Variants in AGMAT observed in about 807,000 individuals in gnomAD.
AGMAT encodes the protein agmatinase (putative), also known as guanidino acid hydrolase, mitochondrial.
A neutral mutation model predicts 29.3 loss-of-function variants in AGMAT; 37 were observed. The ratio of observed to expected loss-of-function variants is 1.26; its 90% confidence interval spans 0.97 to 1.66. The LOEUF is 1.66. AGMAT is among the 40% of genes most tolerant of loss of function. The pLI is 0.00. For missense variants in AGMAT, 498 were observed against 497.8 expected (o/e 1.00, Z 0.00); for synonymous variants, 199 against 200.8 (o/e 0.99, Z 0.08).
chr1:15,585,033 C>G lies in AGMAT; in HGVS notation c.-66G>C, dbSNP rs778416888. On this transcript the variant is annotated 5_prime_UTR_variant, in exon 1 of 7. Coordinates refer to ENST00000375826, the MANE Select transcript of AGMAT (RefSeq NM_024758.5). ...GAGGCCGCCGCGATCTGGCTGGTCC[C>G]GAACGGCGAGGCGAGTGTGCACGCG... The G allele has an allele frequency of 9.9e-5, 125 of 1,268,150 alleles. No homozygotes were observed. The highest frequency in any genetic ancestry group is 1.2e-4 in the Non-Finnish European group (121 of 1,009,482). 78.6% of individuals were successfully genotyped at this position (1,268,150 alleles called of 1,614,324 possible).
At chr1:15,577,213 G>A (rs138260766) in intron 5 of AGMAT, among the ~76,000 whole-genome samples, 244 of 152,226 alleles carry the variant, frequency 1.6e-3, no homozygotes, top group African/African-American at 5.6e-3. Context: ...TCACCCTTCA[G>A]TAAGAGGGTA....
chr1:15,575,980 C>G (rs1178311025), intron 5 of AGMAT: 1 of 151,908 alleles, frequency 6.6e-6, no homozygotes, highest in Admixed American at 6.6e-5. Flanking sequence ...TGGGCTGAAA[C>G]TCCTGGGCTC....
At chr1:15,583,463 C>A (rs1639143990) in intron 1 of AGMAT, 68 bp from the exon 2 acceptor site, 6 of 1,456,026 alleles carry the variant, frequency 4.1e-6, no homozygotes, top group South Asian at 1.2e-5. Context: ...TAGGCCAGGG[C>A]TTCTCAGCCT....
Position 15,573,602 on chromosome 1 carries a change from T to G in AGMAT, c.*49A>C. 9 of 1,556,778 alleles carry G rather than the reference T, an allele frequency of 5.8e-6. No individual in the cohort carries two copies. The highest frequency in any genetic ancestry group is 1.4e-5 in the African/African-American group (1 of 73,912). ...AGACTGCTTACTCATAAGTTCTTCTTGAGAACTTGTCAGCGACGCAATCTG... is the reference window on the plus strand; with the variant it reads ...AGACTGCTTACTCATAAGTTCTTCTGGAGAACTTGTCAGCGACGCAATCTG... On this transcript the variant is annotated 3_prime_UTR_variant, in exon 7 of 7. Transcript: ENST00000375826.
chr1:15,580,782 C>T (rs571869286), intron 2 of AGMAT, among the ~76,000 whole-genome samples: 2 of 152,058 alleles, frequency 1.3e-5, no homozygotes, highest in African/African-American at 4.8e-5. Flanking sequence ...TCAAGACCAG[C>T]CTGACCAACA....
In AGMAT at chr1:15,584,877, G is replaced by T; in HGVS notation, c.91C>A (p.Arg31Ser). ...PAAGLFHPGR[R>S]QSRQASDAPR... Reference sequence around the variant, plus strand: ...GCGTCGGAAGCCTGGCGGCTCTGGCGGCGCCCCGGATGAAAGAGCCCTGCG... The same window carrying T: ...GCGTCGGAAGCCTGGCGGCTCTGGCTGCGCCCCGGATGAAAGAGCCCTGCG... Residue 31 changes from arginine (R) to serine (S), a missense_variant, in exon 1 of 7, where the codon CGC (arginine) becomes AGC (serine). Coordinates refer to ENST00000375826, the MANE Select transcript of AGMAT (RefSeq NM_024758.5). 2 of 1,407,490 alleles carry T rather than the reference G, an allele frequency of 1.4e-6. No homozygotes were observed. The highest frequency in any genetic ancestry group is 1.8e-6 in the Non-Finnish European group (2 of 1,086,920). 87.2% of individuals were successfully genotyped at this position (1,407,490 alleles called of 1,614,324 possible).
In AGMAT at chr1:15,573,331, A is replaced by T; in HGVS notation, c.*320T>A. 1 of 253,456 alleles carries T rather than the reference A, an allele frequency of 3.9e-6. No homozygotes were observed. Among genetic ancestry groups the T allele is most frequent in the Non-Finnish European group, 7.7e-6 (1 of 129,074 alleles). The allele number at this position is 253,456 out of a possible 1,614,324, so 15.7% of individuals were successfully genotyped here. A position where few individuals can be genotyped will look rare whatever the true frequency, so the allele number is the denominator to read the frequency against. ...ACAGTATTATTTCATAGTTTTTTTA[A>T]ATGTCATGTTTCTAATGTTTAGATA... On this transcript the variant is annotated 3_prime_UTR_variant, in exon 7 of 7. Coordinates refer to ENST00000375826, the MANE Select transcript of AGMAT (RefSeq NM_024758.5).
chr1:15,581,063 A>G (rs1466878155), intron 2 of AGMAT, among the ~76,000 whole-genome samples: 1 of 152,104 alleles, frequency 6.6e-6, no homozygotes, highest in Non-Finnish European at 1.5e-5. Flanking sequence ...ACGTCTCTAA[A>G]AAATAAAAAT....
chr1:15,573,727 A>G lies in AGMAT; in HGVS notation c.986-3T>C. ...AGCCGCCAGCAGGGCTGTGTTCCCT[A>G]AGAAAAAGTAAAACCTCACATGAAT... On this transcript the variant is annotated splice_polypyrimidine_tract_variant and splice_region_variant and intron_variant, in intron 6 of 6. Coordinates refer to ENST00000375826, the MANE Select transcript of AGMAT (RefSeq NM_024758.5). The G allele has an allele frequency of 6.2e-7, 1 of 1,613,940 alleles. No individual in the cohort carries two copies. Among genetic ancestry groups the G allele is most frequent in the South Asian group, 1.1e-5 (1 of 91,080 alleles).
At chr1:15,577,908 G>A (rs765275423) in intron 4 of AGMAT, 44 bp from the exon 5 acceptor site, 3 of 1,588,512 alleles carry the variant, frequency 1.9e-6, no homozygotes, top group Non-Finnish European at 2.6e-6. Flanking sequence ...AGCATTTACA[G>A]GGCATTTCCT....
intron 2 of AGMAT, 34 bp from the exon 3 acceptor site, chr1:15,580,176 G>A: frequency 8.5e-7 from 1 of 1,178,586 alleles, no homozygotes; most frequent in African/African-American, 1.6e-5. Flanking sequence ...TCTGGAAAGT[G>A]AATTGGAGGA....
chr1:15,574,726 C>T (rs752997288), intron 6 of AGMAT, 31 bp downstream of exon 6: 14 of 1,579,706 alleles, frequency 8.9e-6, no homozygotes, highest in Non-Finnish European at 1.2e-5. Flanking sequence ...CTACCGGCTG[C>T]CCATGGATCT....
At chr1:15,577,402 A>G (rs12567172) in intron 5 of AGMAT, among the ~76,000 whole-genome samples, 1 of 152,116 alleles carries the variant, frequency 6.6e-6, no homozygotes, top group African/African-American at 2.4e-5. Flanking sequence ...GTGAAACCCC[A>G]TCTCTACTAA....
At position 15,584,696 on chromosome 1, in the gene AGMAT, C is replaced by T; in HGVS notation, c.272G>A (p.Arg91Lys). ...CCGGCCCCCGTCCTTCCGGCCTTAC[C>T]TCGCCCCAGGCCGGTTGGAGGTCCC... is the stretch of plus-strand genomic sequence containing the variant. ...DTGTSNRPGA[R>K]FGPRRIREES... The change falls in exon 1 of 7, where the codon AGA becomes AAA. Residue 91 changes from arginine (R) to lysine (K), a missense_variant and splice_region_variant. By Grantham distance (26) the Arg-to-Lys change is conservative. Transcript: ENST00000375826. 7.6e-7 allele frequency: 1 copy of T among 1,322,982 alleles called. No homozygotes were observed. The highest frequency in any genetic ancestry group is 9.7e-7 in the Non-Finnish European group (1 of 1,030,942). 82.0% of individuals were successfully genotyped at this position (1,322,982 alleles called of 1,614,324 possible).
chr1:15,571,971 C>T lies in AGMAT; in HGVS notation c.*1680G>A, dbSNP rs1469261507. On this transcript the variant is annotated 3_prime_UTR_variant, in exon 7 of 7. Coordinates refer to ENST00000375826, the MANE Select transcript of AGMAT (RefSeq NM_024758.5). ...GCCAGCCTGGCCAACATGGTGAAAC[C>T]CCGTCTCTACTAAAAATACAAAAAT... Among the ~76,000 whole-genome samples the T allele has an allele frequency of 6.6e-6, 1 of 151,510 alleles. No individual in the cohort carries two copies.
chr1:15,583,761 G>A (rs1376577853), intron 1 of AGMAT, among the ~76,000 whole-genome samples: 1 of 152,124 alleles, frequency 6.6e-6, no homozygotes, highest in East Asian at 1.9e-4. Flanking sequence ...TATTTACCTT[G>A]CACTGTAGTA....
intron 1 of AGMAT, among the ~76,000 whole-genome samples, chr1:15,583,598 C>A (rs1266252688): frequency 1.3e-5 from 2 of 152,190 alleles, no homozygotes; most frequent in African/African-American, 4.8e-5. Context: ...ACCCAAAACG[C>A]CTCCAGATAC....
At chr1:15,580,047 C>CTT in intron 3 of AGMAT, 47 bp downstream of exon 3, 1 of 1,578,558 alleles carries the variant, frequency 6.3e-7, no homozygotes, top group Non-Finnish European at 8.7e-7. Flanking sequence ...CATTCCCTAG[C>CTT]TTCTGGCTTT....
Position 15,585,003 on chromosome 1 carries a change from C to T in AGMAT, c.-36G>A, listed in dbSNP as rs749177389. 7.8e-7 allele frequency: 1 copy of T among 1,279,408 alleles called. No individual in the cohort carries two copies. Among genetic ancestry groups the T allele is most frequent in the Non-Finnish European group, 9.8e-7 (1 of 1,016,120 alleles). 79.3% of individuals were successfully genotyped at this position (1,279,408 alleles called of 1,614,324 possible). ...GGCCAAGACCTCACCGACCAAACCG[C>T]CCGCGAGGCCGCCGCGATCTGGCTG... On this transcript the variant is annotated 5_prime_UTR_variant, in exon 1 of 7. Coordinates refer to ENST00000375826, the MANE Select transcript of AGMAT (RefSeq NM_024758.5).
Sources: allele counts gnomAD v4.1 joint callset (sites outside exome capture counted in the v4.1 genomes callset), GRCh38; gene constraint gnomAD v4.1.1; transcripts MANE v1.5; gene names NCBI Gene and HGNC (gene_info 2026-07-23, HGNC 2026-07-21).